PRDX3: variants seen among roughly 807,000 people sequenced by gnomAD.
PRDX3 encodes thioredoxin-dependent peroxide reductase, mitochondrial.
PRDX3 carries 20 observed loss-of-function variants against 30.4 expected under a neutral mutation model. That is an observed-to-expected ratio of 0.66 (90% confidence interval 0.46 to 0.96). PRDX3 has a LOEUF of 0.96. Among genes scored for constraint, PRDX3 ranks in the 40% least tolerant of loss-of-function variants. The pLI is 0.00. For missense variants in PRDX3, 322 were observed against 318.3 expected (o/e 1.01, Z -0.09); for synonymous variants, 124 against 117.8 (o/e 1.05, Z -0.34).
At chr10:119,176,236 G>A (rs966376195) in intron 2 of PRDX3, among the ~76,000 whole-genome samples, 2 of 152,172 alleles carry the variant, frequency 1.3e-5, no homozygotes, top group Non-Finnish European at 2.9e-5. Context: ...GCCTGACACC[G>A]CCATGAACAG....
At chr10:119,177,311 C>T (rs1041809521) in intron 1 of PRDX3, among the ~76,000 whole-genome samples, 158 bp from the exon 2 acceptor site, 2 of 152,170 alleles carry the variant, frequency 1.3e-5, no homozygotes, top group African/African-American at 2.4e-5. Context: ...ATGTTCTTAA[C>T]ACTCCCTTCT....
intron 1 of PRDX3, among the ~76,000 whole-genome samples, chr10:119,177,771 G>C (rs11198811): frequency 0.37 from 55,448 of 151,484 alleles, 10,804 homozygotes; most frequent in East Asian, 0.55. Flanking sequence ...ACCATTTCAA[G>C]GTTTTCCTTA....
intron 1 of PRDX3, among the ~76,000 whole-genome samples, chr10:119,177,676 A>G (rs376582951): frequency 8.4e-4 from 126 of 150,036 alleles, no homozygotes; most frequent in African/African-American, 3.0e-3. Context: ...AAAATCAGAA[A>G]CTCCATGCGC....
chr10:119,169,524 G>A (rs1847856295), intron 5 of PRDX3, 182 bp from the exon 6 acceptor site: 1 of 556,636 alleles, frequency 1.8e-6, no homozygotes, highest in East Asian at 3.1e-5. Context: ...GATGACAGAT[G>A]CTTTAACAAA....
chr10:119,175,235 CAGGA>C (rs1847998965), intron 2 of PRDX3, among the ~76,000 whole-genome samples: 1 of 152,156 alleles, frequency 6.6e-6, no homozygotes, highest in Non-Finnish European at 1.5e-5. Context: ...TAGGAAACAG[CAGGA>C]AGGAAGACAG....
chr10:119,174,571 G>C lies in PRDX3; in HGVS notation c.191C>G (p.Ala64Gly). ...AAAATAGGGTGCATGCTGGGTGACAGCAGGTGCATGGCATGAGGAACCTGA... is the reference window on the plus strand; with the variant it reads ...AAAATAGGGTGCATGCTGGGTGACACCAGGTGCATGGCATGAGGAACCTGA... ...FSTSSSCHAP[A>G]VTQHAPYFKG... The change falls in exon 3 of 7, where the codon GCT becomes GGT. Residue 64 changes from alanine to glycine, a missense_variant. Physicochemically the swap from Ala to Gly is moderately conservative, Grantham distance 60. Transcript: ENST00000298510. 1 of 1,601,922 alleles carries C rather than the reference G, an allele frequency of 6.2e-7. No individual in the cohort carries two copies. The highest frequency in any genetic ancestry group is 8.5e-7 in the Non-Finnish European group (1 of 1,176,716).
At position 119,168,099 on chromosome 10, in the gene PRDX3, TTTCAGGACCGTTGATC is replaced by T. The variant is rs1391933456; in HGVS notation, c.*365_*380del. On this transcript the variant is annotated 3_prime_UTR_variant, in exon 7 of 7. Transcript: ENST00000298510. ...AATACAAAGACATTCAAGATGAAAA[TTTCAGGACCGTTGATC>T]AGAAGCTTTCAATGTGTGTTGCTCT... 5.8e-6 allele frequency: 1 copy of T among 173,054 alleles called. No homozygotes were observed. Among genetic ancestry groups the T allele is most frequent in the East Asian group, 1.7e-4 (1 of 5,740 alleles). 10.7% of individuals were successfully genotyped at this position (173,054 alleles called of 1,614,324 possible).
chr10:119,172,747 C>T (rs547894794), intron 4 of PRDX3, among the ~76,000 whole-genome samples: 1 of 152,050 alleles, frequency 6.6e-6, no homozygotes, highest in African/African-American at 2.4e-5. Flanking sequence ...AAGATTTACA[C>T]CCGGCTAATA....
rs1180058775 is a variant in PRDX3, at chr10:119,177,095, G to A, written c.95C>T (p.Pro32Leu). 1.9e-6 allele frequency: 3 copies of A among 1,613,876 alleles called. No homozygotes were observed. Among genetic ancestry groups the A allele is most frequent in the Non-Finnish European group, 1.7e-6 (2 of 1,179,828 alleles). Residue 32 changes from proline to leucine, a missense_variant, in exon 2 of 7, where the codon CCT (proline) becomes CTT (leucine). Pro to Leu is a moderately conservative substitution (Grantham distance 98). Coordinates refer to ENST00000298510, the MANE Select transcript of PRDX3 (RefSeq NM_006793.5). ...CAAGCTCGTTCTTCCACATGCAGCA[G>A]GCCTGAGGGCTGCAGTGGCAGAAAT... Reference protein sequence around the residue: ...WGISATAALRPAACGRTSLTN... With the variant: ...WGISATAALRLAACGRTSLTN...
Position 119,178,166 on chromosome 10 carries a change from T to G in PRDX3, c.36+589A>C, listed in dbSNP as rs1204444823. Among the ~76,000 whole-genome samples, 48 of 152,102 alleles carry G rather than the reference T, an allele frequency of 3.2e-4. 2 individuals are homozygous for G. Among genetic ancestry groups the G allele is most frequent in the Admixed American group, 3.1e-3 (47 of 15,262 alleles). The stretch of plus-strand genomic sequence containing the variant: ...GCGTGAGCCACCGCACTCTGCCGGT[T>G]TGCTCAACTTTAATGTTCAAAATGA... On this transcript the variant is annotated intron_variant, in intron 1 of 6. Transcript: ENST00000298510.
chr10:119,169,397 C>G, intron 5 of PRDX3, 55 bp from the exon 6 acceptor site: 1 of 1,428,380 alleles, frequency 7.0e-7, no homozygotes, highest in Admixed American at 2.1e-5. Context: ...CTAGAACAGT[C>G]TAACTTCTTC....
At chr10:119,177,700 G>A (rs532909577) in intron 1 of PRDX3, among the ~76,000 whole-genome samples, 3 of 149,998 alleles carry the variant, frequency 2.0e-5, no homozygotes, top group South Asian at 4.2e-4. Flanking sequence ...AAGCAACACA[G>A]GGTTCAGAAG....
chr10:119,178,396 G>A (rs1554892165), intron 1 of PRDX3, among the ~76,000 whole-genome samples: 2 of 152,210 alleles, frequency 1.3e-5, no homozygotes, highest in Non-Finnish European at 2.9e-5. Flanking sequence ...ACGCCTTGAT[G>A]TAGGCATCAT....
intron 4 of PRDX3, among the ~76,000 whole-genome samples, chr10:119,172,795 G>C (rs941873575): frequency 1.3e-5 from 2 of 151,970 alleles, no homozygotes; most frequent in African/African-American, 4.8e-5. Context: ...AAGACACAGA[G>C]TCTCGCTGTC....
At chr10:119,173,690 T>C (rs988704542) in intron 4 of PRDX3, 47 bp downstream of exon 4, 16 of 1,589,424 alleles carry the variant, frequency 1.0e-5, no homozygotes, top group Non-Finnish European at 1.4e-5. Flanking sequence ...ATTTAGATTC[T>C]TCCAAGCAAG....
intron 3 of PRDX3, 134 bp downstream of exon 3, chr10:119,174,317 A>G (rs1400975938): frequency 2.7e-6 from 3 of 1,123,460 alleles, no homozygotes; most frequent in South Asian, 3.4e-5. Context: ...GTAATCAACA[A>G]GGCCATCAGT....
chr10:119,177,022 G>T lies in PRDX3; in HGVS notation c.168C>A (p.Thr56=). Residue 56 remains threonine, a splice_region_variant and synonymous_variant, in exon 2 of 7, where the codon ACC becomes ACA. Coordinates refer to ENST00000298510, the MANE Select transcript of PRDX3 (RefSeq NM_006793.5). ...GCCAAGACATGACATAACACTTACT[G>T]GTGCTGAATAATTTTGCTTGACTGG... ...SGSSQAKLFS[T]SSSCHAPAVT... 2 of 1,614,026 alleles carry T rather than the reference G, an allele frequency of 1.2e-6. No individual in the cohort carries two copies. The highest frequency in any genetic ancestry group is 1.7e-6 in the Non-Finnish European group (2 of 1,179,946).
chr10:119,167,878 GAATAA>G lies in PRDX3; in HGVS notation c.*597_*601del, dbSNP rs1256494185. On this transcript the variant is annotated 3_prime_UTR_variant, in exon 7 of 7. Transcript: ENST00000298510. ...ATATACATAGACAAAGTTAGCTAAT[GAATAA>G]AATAAGTAAAATGACTACATAAACT... The G allele has an allele frequency of 6.6e-6, 1 of 152,170 alleles. No homozygotes were observed. The highest frequency in any genetic ancestry group is 1.5e-5 in the Non-Finnish European group (1 of 68,052). 9.4% of individuals were successfully genotyped at this position (152,170 alleles called of 1,614,324 possible). A position where few individuals can be genotyped will look rare whatever the true frequency, so the allele number is the denominator to read the frequency against.
rs141498625 is a variant in PRDX3 at position 119,177,881 on chromosome 10, C to CTTTTT, written c.37-733_37-729dup. Among the ~76,000 whole-genome samples the CTTTTT allele has an allele frequency of 4.6e-3, 624 of 134,708 alleles. 11 individuals are homozygous for CTTTTT. Among genetic ancestry groups the CTTTTT allele is most frequent in the African/African-American group, 0.017 (593 of 35,878 alleles). 88.4% of individuals were successfully genotyped at this position (134,708 alleles called of 152,430 possible). Reference sequence around the variant, plus strand: ...AGGCTCAAGGGACATGTTTACTCAACTTTTTTTTTTTTTTTTTGAAACAGA... The same window carrying CTTTTT: ...AGGCTCAAGGGACATGTTTACTCAACTTTTTTTTTTTTTTTTTTTTTTGAAACAGA... On this transcript the variant is annotated intron_variant, in intron 1 of 6. Coordinates refer to ENST00000298510, the MANE Select transcript of PRDX3 (RefSeq NM_006793.5).
Sources: gnomAD v4.1 joint callset for allele counts (sites outside exome capture counted in the v4.1 genomes callset) on GRCh38, gnomAD v4.1.1 for gene constraint, MANE v1.5 for transcripts, NCBI Gene and HGNC (gene_info 2026-07-23, HGNC 2026-07-21) for gene names.